DPYD: variants seen among roughly 807,000 people sequenced by gnomAD.
The protein encoded by DPYD is dihydropyrimidine dehydrogenase [NADP(+)].
A neutral mutation model predicts 116.2 loss-of-function variants in DPYD; 109 were observed. The ratio of observed to expected loss-of-function variants is 0.94; its 90% confidence interval spans 0.80 to 1.10. The LOEUF is 1.10. Among genes scored for constraint, DPYD ranks in the 50% least tolerant of loss-of-function variants. DPYD has a pLI of 0.00. For missense variants in DPYD, 1,302 were observed against 1,254.5 expected (o/e 1.04, Z -0.57); for synonymous variants, 440 against 432.0 (o/e 1.02, Z -0.23).
chr1:97,161,832 T>C (rs1655926632), intron 20 of DPYD, among the ~76,000 whole-genome samples: 1 of 150,746 alleles, frequency 6.6e-6, no homozygotes, highest in Non-Finnish European at 1.5e-5. Flanking sequence ...TTTGGTTTTT[T>C]GTCCTTGCGA....
chr1:97,501,839 G>A (rs972148617), intron 13 of DPYD, among the ~76,000 whole-genome samples: 2 of 151,948 alleles, frequency 1.3e-5, no homozygotes, highest in African/African-American at 4.8e-5. Flanking sequence ...GCATTTTAAT[G>A]TTTACATTAA....
chr1:97,508,928 G>A (rs1209167672), intron 13 of DPYD, among the ~76,000 whole-genome samples: 1 of 151,894 alleles, frequency 6.6e-6, no homozygotes, highest in Non-Finnish European at 1.5e-5. Flanking sequence ...CTTTTTTGTA[G>A]CACTGACAAC....
intron 14 of DPYD, among the ~76,000 whole-genome samples, chr1:97,445,572 T>C (rs1676030568): frequency 6.6e-6 from 1 of 152,166 alleles, no homozygotes; most frequent in African/African-American, 2.4e-5. Context: ...TAACCTAGTA[T>C]GTATACTTAG....
intron 20 of DPYD, among the ~76,000 whole-genome samples, chr1:97,137,161 T>C (rs553236405): frequency 3.3e-5 from 5 of 152,332 alleles, no homozygotes; most frequent in African/African-American, 1.2e-4. Context: ...ACAGCAGGCC[T>C]TCCGGGAATG....
chr1:97,762,944 C>T (rs1557942036), intron 3 of DPYD, among the ~76,000 whole-genome samples: 1 of 151,984 alleles, frequency 6.6e-6, no homozygotes, highest in Non-Finnish European at 1.5e-5. Flanking sequence ...TATTAAGTGG[C>T]ATAAAAAGCT....
At chr1:97,306,437 T>G (rs1667179594) in intron 16 of DPYD, 140 bp from the exon 17 acceptor site, 3 of 1,123,560 alleles carry the variant, frequency 2.7e-6, no homozygotes, top group Non-Finnish European at 2.6e-6. Context: ...CTCAAATTCC[T>G]CCTCAGTATT....
At chr1:97,555,557 T>C (rs1362294365) in intron 11 of DPYD, among the ~76,000 whole-genome samples, 2 of 152,118 alleles carry the variant, frequency 1.3e-5, no homozygotes, top group Non-Finnish European at 2.9e-5. Context: ...CGTCTTACCT[T>C]TGCTTCACTC....
intron 2 of DPYD, chr1:97,855,719 A>G (rs564002295): frequency 6.6e-6 from 1 of 152,354 alleles, no homozygotes; most frequent in African/African-American, 2.4e-5. Flanking sequence ...ACATCAGAAC[A>G]ATGAAGAACA....
chr1:97,300,657 C>A (rs1281149734), intron 18 of DPYD, among the ~76,000 whole-genome samples: 2 of 152,082 alleles, frequency 1.3e-5, no homozygotes, highest in African/African-American at 4.8e-5. Flanking sequence ...CCTGATTTTA[C>A]ACAAATATTC....
chr1:97,613,693 TA>T (rs1440567923), intron 8 of DPYD, among the ~76,000 whole-genome samples: 1 of 152,060 alleles, frequency 6.6e-6, no homozygotes, highest in African/African-American at 2.4e-5. Flanking sequence ...AAATGAATCC[TA>T]ATGTACAGAT....
intron 13 of DPYD, among the ~76,000 whole-genome samples, chr1:97,483,758 C>T (rs1191781398): frequency 6.6e-6 from 1 of 152,140 alleles, no homozygotes; most frequent in Non-Finnish European, 1.5e-5. Flanking sequence ...AAAGAGGCTT[C>T]AAGCAGCATT....
intron 13 of DPYD, among the ~76,000 whole-genome samples, chr1:97,473,059 T>A (rs984991583): frequency 1.3e-5 from 2 of 152,170 alleles, no homozygotes; most frequent in African/African-American, 2.4e-5. Context: ...GTATATTAGA[T>A]CCCCAGAACA....
At chr1:97,197,746 CTT>C (rs879550401) in intron 19 of DPYD, among the ~76,000 whole-genome samples, 7 of 152,148 alleles carry the variant, frequency 4.6e-5, no homozygotes, top group Non-Finnish European at 8.8e-5. Context: ...CTTCTAGACT[CTT>C]TATCATACAG....
intron 13 of DPYD, among the ~76,000 whole-genome samples, chr1:97,491,119 A>C (rs1678950620): frequency 6.8e-6 from 1 of 147,760 alleles, no homozygotes; most frequent in South Asian, 2.1e-4. Flanking sequence ...TAATATATTA[A>C]CCTAATGATA....
intron 14 of DPYD, among the ~76,000 whole-genome samples, chr1:97,412,045 G>A (rs1674026892): frequency 6.6e-6 from 1 of 151,968 alleles, no homozygotes; most frequent in Non-Finnish European, 1.5e-5. Flanking sequence ...GCATGCAAAG[G>A]GTATACACCT....
intron 18 of DPYD, among the ~76,000 whole-genome samples, chr1:97,250,486 A>G (rs1289419445): frequency 3.3e-5 from 5 of 152,178 alleles, no homozygotes; most frequent in Admixed American, 6.5e-5. Flanking sequence ...GAAACAACTG[A>G]AATATCCATC....
intron 16 of DPYD, among the ~76,000 whole-genome samples, chr1:97,318,619 C>T (rs1482188849): frequency 1.3e-5 from 2 of 151,842 alleles, no homozygotes; most frequent in Admixed American, 6.6e-5. Context: ...TAGACTCCCA[C>T]ACATTAATAA....
intron 8 of DPYD, among the ~76,000 whole-genome samples, chr1:97,672,798 C>G (rs780922419): frequency 2.0e-5 from 3 of 152,014 alleles, no homozygotes; most frequent in Non-Finnish European, 2.9e-5. Context: ...AGAGATTTAA[C>G]TAAAGGCCAC....
intron 5 of DPYD, among the ~76,000 whole-genome samples, chr1:97,699,767 A>T (rs1162297529): frequency 6.6e-6 from 1 of 151,838 alleles, no homozygotes; most frequent in Non-Finnish European, 1.5e-5. Context: ...TCTAGGAAAC[A>T]CTCATGGGGC....
Sources: allele counts gnomAD v4.1 joint callset (sites outside exome capture counted in the v4.1 genomes callset), GRCh38; gene constraint gnomAD v4.1.1; transcripts MANE v1.5; gene names NCBI Gene and HGNC (gene_info 2026-07-23, HGNC 2026-07-21).